Variants in ROBO1 observed in about 807,000 individuals in gnomAD.
ROBO1 encodes the protein roundabout guidance receptor 1, also known as roundabout homolog 1.
Under a neutral mutation model 195.9 loss-of-function variants are expected in ROBO1, and 149 were observed. The observed-to-expected ratio is 0.76, with a 90% confidence interval of 0.67 to 0.87. The LOEUF (loss-of-function observed/expected upper bound fraction) is 0.87. ROBO1 is among the 40% of genes least tolerant of loss of function. The pLI is 0.00. For missense variants in ROBO1, 1,933 were observed against 2,068.3 expected (o/e 0.93, Z 1.27); for synonymous variants, 816 against 733.2 (o/e 1.11, Z -1.82).
intron 2 of ROBO1, among the ~76,000 whole-genome samples, chr3:79,577,717 A>AACAC (rs58998352): frequency 0.04 from 5,674 of 140,582 alleles, 140 homozygotes; most frequent in Admixed American, 0.051. Flanking sequence ...CTTTACTAAA[A>AACAC]ACACACACAC....
chr3:79,667,569 T>C (rs1946510478), intron 1 of ROBO1, among the ~76,000 whole-genome samples: 1 of 151,808 alleles, frequency 6.6e-6, no homozygotes, highest in South Asian at 2.1e-4. Flanking sequence ...TTGAAAGACA[T>C]GGGAACTTTT....
chr3:78,753,098 T>C (rs1410862701), intron 4 of ROBO1, among the ~76,000 whole-genome samples: 1 of 152,066 alleles, frequency 6.6e-6, no homozygotes, highest in Non-Finnish European at 1.5e-5. Context: ...CAACATTATA[T>C]GATAACAACG....
chr3:79,496,393 T>C (rs1939742831), intron 2 of ROBO1, among the ~76,000 whole-genome samples: 1 of 112,326 alleles, frequency 8.9e-6, no homozygotes, highest in South Asian at 2.9e-4. Flanking sequence ...CCATCTTTTT[T>C]TGAGACGGAG....
At chr3:78,731,339 T>C (rs1576041107) in intron 5 of ROBO1, among the ~76,000 whole-genome samples, 2 of 152,236 alleles carry the variant, frequency 1.3e-5, no homozygotes, top group Admixed American at 1.3e-4. Context: ...CCTAGGTTGC[T>C]TCCATATAAA....
intron 2 of ROBO1, among the ~76,000 whole-genome samples, chr3:79,530,823 A>C: frequency 9.0e-6 from 1 of 110,906 alleles, no homozygotes; most frequent in Non-Finnish European, 2.0e-5. Flanking sequence ...CTGGATTCCC[A>C]GTGTTCTTAG....
Position 78,711,443 on chromosome 3 carries a change from CCT to C in ROBO1, c.1045+2952_1045+2953del, listed in dbSNP as rs1243523770. Among the ~76,000 whole-genome samples the C allele has an allele frequency of 8.1e-5, 7 of 86,260 alleles. No homozygotes were observed. In the East Asian group the frequency reaches 1.5e-3, roughly 18 times the overall value. The allele number at this position is 86,260 out of a possible 152,430, so 56.6% of individuals were successfully genotyped here. The stretch of plus-strand genomic sequence containing the variant: ...TCTTTCTTTCTTTCTTTCTTTCTTT[CCT>C]TCCTTCCTTCCTTCCTTCCTTTTCT... On this transcript the variant is annotated intron_variant, in intron 8 of 30. Transcript: ENST00000464233.
At chr3:79,129,233 T>C (rs2080276882) in intron 2 of ROBO1, among the ~76,000 whole-genome samples, 1 of 152,168 alleles carries the variant, frequency 6.6e-6, no homozygotes, top group South Asian at 2.1e-4. Context: ...ATATTTTAAG[T>C]ATTTTACAAT....
chr3:79,691,531 C>T (rs1447565123), intron 1 of ROBO1, among the ~76,000 whole-genome samples: 1 of 151,514 alleles, frequency 6.6e-6, no homozygotes, highest in East Asian at 1.9e-4. Context: ...ACTACTATTT[C>T]AGATAATAAA....
chr3:79,264,408 T>C (rs549804670), intron 2 of ROBO1, among the ~76,000 whole-genome samples: 5 of 151,902 alleles, frequency 3.3e-5, no homozygotes, highest in Non-Finnish European at 7.4e-5. Context: ...TATCATGTTA[T>C]TTAATTTTCT....
chr3:78,830,799 G>C (rs961338407), intron 4 of ROBO1, among the ~76,000 whole-genome samples: 2 of 152,166 alleles, frequency 1.3e-5, no homozygotes, highest in African/African-American at 4.8e-5. Context: ...TATAAATCTA[G>C]AAATAGATTT....
intron 1 of ROBO1, among the ~76,000 whole-genome samples, chr3:79,666,776 A>C (rs1560083355): frequency 6.6e-6 from 1 of 151,942 alleles, no homozygotes; most frequent in Non-Finnish European, 1.5e-5. Flanking sequence ...CAGCAGTGTG[A>C]AAATTGACTA....
At chr3:79,359,989 T>G (rs2035705708) in intron 2 of ROBO1, among the ~76,000 whole-genome samples, 1 of 151,988 alleles carries the variant, frequency 6.6e-6, no homozygotes, top group South Asian at 2.1e-4. Context: ...AGAAGAAAGA[T>G]AATTGCAGGC....
At chr3:79,455,651 G>A (rs1295320566) in intron 2 of ROBO1, among the ~76,000 whole-genome samples, 1 of 152,028 alleles carries the variant, frequency 6.6e-6, no homozygotes, top group Non-Finnish European at 1.5e-5. Flanking sequence ...CTCGTGGGTT[G>A]TTCAAATTAA....
Position 79,317,976 on chromosome 3 carries a change from T to C in ROBO1, c.89-192437A>G, listed in dbSNP as rs143154654. On this transcript the variant is annotated intron_variant, in intron 2 of 30. Transcript: ENST00000464233. ...TTGGCTCATGTGGGATTACGTAAAC[T>C]AGCAAATCCAAAATCTGCAGAGCCA... Among the ~76,000 whole-genome samples, 607 of 152,252 alleles carry C rather than the reference T, an allele frequency of 4.0e-3. 1 individual carries two copies. The highest frequency in any genetic ancestry group is 5.0e-3 in the Non-Finnish European group (342 of 68,006).
At chr3:78,928,084 T>C (rs2039314896) in intron 4 of ROBO1, among the ~76,000 whole-genome samples, 1 of 152,182 alleles carries the variant, frequency 6.6e-6, no homozygotes, top group Non-Finnish European at 1.5e-5. Flanking sequence ...ATCCCCATTT[T>C]ACAGGTAAGA....
intron 17 of ROBO1, among the ~76,000 whole-genome samples, chr3:78,658,050 A>G (rs887642283): frequency 1.3e-5 from 2 of 152,216 alleles, no homozygotes; most frequent in African/African-American, 4.8e-5. Flanking sequence ...TTGATGTGAA[A>G]AAAGCATTCT....
chr3:78,676,526 A>C (rs1708440326), intron 10 of ROBO1, among the ~76,000 whole-genome samples: 1 of 152,252 alleles, frequency 6.6e-6, no homozygotes, highest in African/African-American at 2.4e-5. Flanking sequence ...TACGTGAAGA[A>C]TGCAGAAGCC....
chr3:79,221,001 C>T (rs571233129), intron 2 of ROBO1, among the ~76,000 whole-genome samples: 105 of 151,748 alleles, frequency 6.9e-4, no homozygotes, highest in Non-Finnish European at 1.3e-3. Context: ...CAACCAAATA[C>T]GCATCCAGAC....
intron 1 of ROBO1, among the ~76,000 whole-genome samples, chr3:79,711,153 G>GGGGC: frequency 6.6e-6 from 1 of 152,122 alleles, no homozygotes; most frequent in East Asian, 1.9e-4. Flanking sequence ...GAGTCCTGAA[G>GGGGC]GGGCATAGTG....
Sources: gnomAD v4.1 joint callset for allele counts (sites outside exome capture counted in the v4.1 genomes callset) on GRCh38, gnomAD v4.1.1 for gene constraint, MANE v1.5 for transcripts, NCBI Gene and HGNC (gene_info 2026-07-23, HGNC 2026-07-21) for gene names.